The following DHX8 variants were observed in gnomAD, a reference collection of about 807,000 sequenced individuals.
DHX8 encodes the protein DEAH-box helicase 8, also known as ATP-dependent RNA helicase DHX8.
Under a neutral mutation model 140.7 loss-of-function variants are expected in DHX8, and 67 were observed. The ratio of observed to expected loss-of-function variants is 0.48; its 90% CI spans 0.39 to 0.58. The LOEUF (loss-of-function observed/expected upper bound fraction) is 0.58. Among genes scored for constraint, DHX8 ranks in the 20% least tolerant of loss-of-function variants. The pLI is 0.00. For missense variants in DHX8, 887 were observed against 1,550.7 expected, an observed-to-expected ratio of 0.57 and a Z score of 7.19; for synonymous variants, 533 against 553.2, an observed-to-expected ratio of 0.96 and a Z score of 0.51.
intron 11 of DHX8, among the ~76,000 whole-genome samples, chr17:43,504,430 G>A (rs1305316542): frequency 1.3e-5 from 2 of 152,192 alleles, no homozygotes; most frequent in Non-Finnish European, 2.9e-5. Flanking sequence ...GACATCACAG[G>A]TGTGTAGCAC....
chr17:43,518,717 C>G (rs939729066), intron 18 of DHX8: 6 of 152,060 alleles, frequency 3.9e-5, no homozygotes, highest in South Asian at 2.1e-4. Context: ...TTCATTGTCC[C>G]AAACAGAAAC....
intron 1 of DHX8, among the ~76,000 whole-genome samples, chr17:43,489,095 C>G (rs1353035248): frequency 6.6e-6 from 1 of 152,098 alleles, no homozygotes; most frequent in African/African-American, 2.4e-5. Context: ...ACCTCTGCCT[C>G]CCGGGTTCAA....
chr17:43,496,433 A>T (rs1009949515), intron 9 of DHX8, among the ~76,000 whole-genome samples, 165 bp downstream of exon 9: 3 of 151,950 alleles, frequency 2.0e-5, no homozygotes, highest in African/African-American at 7.3e-5. Flanking sequence ...CAAGAAGTTC[A>T]TTTTTCTGAC....
At chr17:43,533,948 C>T (rs1466455943) in intron 2 of DHX8, 3 of 1,549,156 alleles carry the variant, frequency 1.9e-6, no homozygotes, top group Non-Finnish European at 2.6e-6. Flanking sequence ...GACTCTGGGG[C>T]TCCTTCTTGA....
chr17:43,491,992 T>C (rs1198695005), intron 4 of DHX8, among the ~76,000 whole-genome samples, 191 bp from the exon 5 acceptor site: 1 of 152,218 alleles, frequency 6.6e-6, no homozygotes, highest in Non-Finnish European at 1.5e-5. Context: ...AGAGGGGATT[T>C]GTCAAATGTA....
At chr17:43,500,925 A>G (rs1969156916) in intron 11 of DHX8, among the ~76,000 whole-genome samples, 1 of 152,128 alleles carries the variant, frequency 6.6e-6, no homozygotes, top group South Asian at 2.1e-4. Flanking sequence ...AAAAATTTTT[A>G]TTCTAAAGGT....
chr17:43,489,398 T>C, intron 1 of DHX8, 51 bp from the exon 2 acceptor site: 2 of 1,291,692 alleles, frequency 1.5e-6, no homozygotes, highest in Non-Finnish European at 2.2e-6. Flanking sequence ...TACTTGAAAC[T>C]GATTTCTTGT....
chr17:43,532,789 G>A (rs1971016290), intron 2 of DHX8: 4 of 1,613,920 alleles, frequency 2.5e-6, no homozygotes, highest in African/African-American at 1.3e-5. Context: ...GTTCATACAG[G>A]GGATCATGGT....
intron 22 of DHX8, among the ~76,000 whole-genome samples, chr17:43,522,747 C>CAAAAAAAAAAAA (rs773301589): frequency 2.4e-5 from 1 of 41,360 alleles, no homozygotes; most frequent in Non-Finnish European, 4.7e-5. Context: ...AACTCCATCT[C>CAAAAAAAAAAAA]AAAAAAAAAA....
chr17:43,532,736 T>C (rs1318177645), intron 2 of DHX8: 1 of 1,613,940 alleles, frequency 6.2e-7, no homozygotes, highest in African/African-American at 1.3e-5. Context: ...TGGGTACCTG[T>C]GCCCATTGAC....
At chr17:43,535,501 T>C (rs566358524) in intron 2 of DHX8, among the ~76,000 whole-genome samples, 104 of 152,272 alleles carry the variant, frequency 6.8e-4, no homozygotes, top group Non-Finnish European at 1.3e-3. Context: ...GGTCTCAAAC[T>C]CCTGACCTCA....
chr17:43,529,606 C>A, downstream of DHX8: 1 of 1,614,144 alleles, frequency 6.2e-7, no homozygotes, highest in Non-Finnish European at 8.5e-7. Context: ...ATTGCCACAG[C>A]TGCAGGGCAC....
Position 43,485,252 on chromosome 17 carries a change from T to C in DHX8, c.148+1067T>C, listed in dbSNP as rs1968072270. Reference sequence around the variant, plus strand: ...CCAGCCCACTCTTCAGTTTCCTAAATGAAGATAAAGTCATCAACCGGAGGG... The same window carrying C: ...CCAGCCCACTCTTCAGTTTCCTAAACGAAGATAAAGTCATCAACCGGAGGG... On this transcript the variant is annotated intron_variant, in intron 1 of 22. Transcript: ENST00000262415. 2.0e-5 allele frequency among the ~76,000 whole-genome samples: 3 copies of C among 152,048 alleles called. 1 individual carries two copies. In the South Asian group the frequency reaches 6.2e-4, roughly 32 times the overall value.
intron 1 of DHX8, among the ~76,000 whole-genome samples, chr17:43,487,936 C>T (rs530625138): frequency 1.3e-5 from 2 of 152,100 alleles, no homozygotes; most frequent in South Asian, 2.1e-4. Context: ...AAGATCGTAC[C>T]ACTGTACTCC....
Position 43,523,881 on chromosome 17 carries a change from A to G in DHX8, c.*34A>G, listed in dbSNP as rs1445592975. The G allele has an allele frequency of 6.2e-7, 1 of 1,613,242 alleles. No homozygotes were observed. Among genetic ancestry groups the G allele is most frequent in the Non-Finnish European group, 8.5e-7 (1 of 1,179,628 alleles). On this transcript the variant is annotated 3_prime_UTR_variant, in exon 23 of 23. Coordinates refer to ENST00000262415, the MANE Select transcript of DHX8 (RefSeq NM_004941.3). ...ATTGTTCCTTTGCCTCTCCAGCAGC[A>G]GTAGCCAGGGCTTGGACTTATCGAT...
chr17:43,529,038 AC>A, downstream of DHX8: 1 of 1,141,044 alleles, frequency 8.8e-7, no homozygotes, highest in Non-Finnish European at 1.3e-6. Context: ...ATCTGATCCT[AC>A]AAAGTTGCTG....
intron 18 of DHX8, chr17:43,518,394 G>A (rs964259591): frequency 6.6e-6 from 1 of 152,032 alleles, no homozygotes; most frequent in African/African-American, 2.4e-5. Context: ...CTACATGCCA[G>A]GCATGTAGAT....
chr17:43,540,890 G>C (rs1014511158), intron 3 of DHX8, among the ~76,000 whole-genome samples: 2 of 152,088 alleles, frequency 1.3e-5, no homozygotes, highest in African/African-American at 4.8e-5. Flanking sequence ...AGAACTCAGG[G>C]GTGGCTGACG....
At chr17:43,532,721 G>A (rs766597347) in intron 2 of DHX8, 7 of 1,613,566 alleles carry the variant, frequency 4.3e-6, no homozygotes, top group South Asian at 1.1e-5. Context: ...CACCACCCCC[G>A]CCCCTGGGTA....
Sources: gnomAD v4.1 joint callset for allele counts (sites outside exome capture counted in the v4.1 genomes callset) on GRCh38, gnomAD v4.1.1 for gene constraint, MANE v1.5 for transcripts, NCBI Gene and HGNC (gene_info 2026-07-23, HGNC 2026-07-21) for gene names.